The following EPHB1 variants were observed in gnomAD, a reference collection of about 807,000 sequenced individuals.
The protein encoded by EPHB1 is ephrin type-B receptor 1.
In EPHB1, 30 loss-of-function variants were observed where a neutral mutation model predicts 94.4. The observed-to-expected ratio is 0.32, with a 90% confidence interval of 0.24 to 0.43. The LOEUF is 0.43. EPHB1 is among the 20% of genes least tolerant of loss of function. The pLI is 1.00. For synonymous variants in EPHB1, 522 were observed against 489.1 expected (o/e 1.07, Z -0.89); for missense variants, 1,055 against 1,308.3 (o/e 0.81, Z 2.99).
chr3:134,804,661 C>T (rs2036002817), intron 1 of EPHB1, among the ~76,000 whole-genome samples: 1 of 152,216 alleles, frequency 6.6e-6, no homozygotes, highest in African/African-American at 2.4e-5. Flanking sequence ...TTGGGCACTT[C>T]TACAACTTCT....
rs936492734 is a variant in EPHB1, at chr3:135,110,882, G to T, written c.961+4279G>T. Among the ~76,000 whole-genome samples the T allele has an allele frequency of 7.9e-5, 12 of 152,244 alleles. 1 individual carries two copies. The East Asian group carries it at 2.3e-3, about 29-fold the overall frequency. ...CAGGGCAGTGGTGGGGTGGGGGGGT[G>T]GTGTCCCTGTGGCATAAGGATCATG... On this transcript the variant is annotated intron_variant, in intron 4 of 15. Transcript: ENST00000398015.
intron 5 of EPHB1, among the ~76,000 whole-genome samples, chr3:135,140,345 AG>A (rs1163578961): frequency 2.0e-5 from 3 of 152,214 alleles, no homozygotes; most frequent in African/African-American, 7.2e-5. Flanking sequence ...CATCTCCAGG[AG>A]AGAACGCCCT....
chr3:135,124,398 A>G (rs7627183), intron 4 of EPHB1, among the ~76,000 whole-genome samples: 37,231 of 151,594 alleles, frequency 0.25, 5,471 homozygotes, highest in Non-Finnish European at 0.32. Context: ...TGACTCCTTC[A>G]CTAGAGAATA....
At chr3:134,982,293 G>T (rs1934430770) in intron 3 of EPHB1, among the ~76,000 whole-genome samples, 2 of 152,086 alleles carry the variant, frequency 1.3e-5, no homozygotes, top group Non-Finnish European at 2.9e-5. Flanking sequence ...ATTCCTTTTT[G>T]ATGAATGAAT....
intron 1 of EPHB1, among the ~76,000 whole-genome samples, chr3:134,819,451 C>A (rs954637781): frequency 9.2e-5 from 14 of 152,260 alleles, no homozygotes; most frequent in Admixed American, 5.9e-4. Context: ...TAGGTGTAAG[C>A]CTTGGAAGTA....
chr3:135,084,075 G>C (rs912020146), intron 3 of EPHB1, among the ~76,000 whole-genome samples: 1 of 151,986 alleles, frequency 6.6e-6, no homozygotes. Flanking sequence ...CTTTTCTTTA[G>C]CTCAGGGATA....
At chr3:135,098,789 A>G (rs1358343226) in intron 3 of EPHB1, among the ~76,000 whole-genome samples, 1 of 152,082 alleles carries the variant, frequency 6.6e-6, no homozygotes, top group Non-Finnish European at 1.5e-5. Flanking sequence ...AGGCGGATGG[A>G]TCATTTGTGG....
chr3:135,094,585 A>C (rs1041627710), intron 3 of EPHB1, among the ~76,000 whole-genome samples: 4 of 152,148 alleles, frequency 2.6e-5, no homozygotes, highest in Non-Finnish European at 5.9e-5. Flanking sequence ...TTCCTGGGTG[A>C]CCTAAGAAAG....
chr3:135,032,561 A>G (rs571443338), intron 3 of EPHB1, among the ~76,000 whole-genome samples: 11 of 152,146 alleles, frequency 7.2e-5, no homozygotes, highest in Non-Finnish European at 1.3e-4. Flanking sequence ...CTGAGCACCC[A>G]GGCCATCTCT....
At chr3:135,190,950 G>T (rs1309536555) in intron 10 of EPHB1, among the ~76,000 whole-genome samples, 4 of 152,120 alleles carry the variant, frequency 2.6e-5, no homozygotes, top group Non-Finnish European at 5.9e-5. Context: ...AATGTGAAAA[G>T]CAGTGTTGCA....
intron 1 of EPHB1, among the ~76,000 whole-genome samples, chr3:134,877,697 A>C (rs950166266): frequency 5.3e-5 from 8 of 152,194 alleles, no homozygotes; most frequent in Non-Finnish European, 1.0e-4. Context: ...CTCTCACTGC[A>C]TGTGCTTTCC....
Position 135,045,983 on chromosome 3 carries a change from G to A in EPHB1, c.806-60465G>A, listed in dbSNP as rs180986063. On this transcript the variant is annotated intron_variant, in intron 3 of 15. Coordinates refer to ENST00000398015, the MANE Select transcript of EPHB1 (RefSeq NM_004441.5). ...GTTTTTCAACTACATATGTATTTAA[G>A]ATGAATTTTCTTCATGTAATTTAAC... 2.1e-3 allele frequency among the ~76,000 whole-genome samples: 321 copies of A among 152,238 alleles called. 1 individual carries two copies. The highest frequency in any genetic ancestry group is 7.4e-3 in the African/African-American group (308 of 41,566).
At position 134,882,157 on chromosome 3, in the gene EPHB1, C is replaced by T. The variant is rs146167355; in HGVS notation, c.59-43659C>T. Reference sequence around the variant, plus strand: ...CATAAATTAGGTCCCAAAATACTGGCGCAATTAATCATAGCCAGGGGTGAA... The same window carrying T: ...CATAAATTAGGTCCCAAAATACTGGTGCAATTAATCATAGCCAGGGGTGAA... On this transcript the variant is annotated intron_variant, in intron 1 of 15. Coordinates refer to ENST00000398015, the MANE Select transcript of EPHB1 (RefSeq NM_004441.5). 1.6e-3 allele frequency among the ~76,000 whole-genome samples: 246 copies of T among 152,182 alleles called. 1 individual carries two copies. The highest frequency in any genetic ancestry group is 2.8e-3 in the Non-Finnish European group (191 of 68,014).
chr3:134,817,791 T>C (rs976242808), intron 1 of EPHB1, among the ~76,000 whole-genome samples: 5 of 152,208 alleles, frequency 3.3e-5, no homozygotes, highest in Non-Finnish European at 7.3e-5. Context: ...GTGGTTACGA[T>C]TGATTCTGGT....
At chr3:135,100,186 G>A (rs1198927484) in intron 3 of EPHB1, among the ~76,000 whole-genome samples, 4 of 152,122 alleles carry the variant, frequency 2.6e-5, no homozygotes, top group Admixed American at 6.5e-5. Flanking sequence ...TCCTCCCTGC[G>A]GTGTAGCTCT....
At chr3:134,844,772 C>T (rs2036839312) in intron 1 of EPHB1, among the ~76,000 whole-genome samples, 1 of 152,184 alleles carries the variant, frequency 6.6e-6, no homozygotes, top group African/African-American at 2.4e-5. Flanking sequence ...TGGTTAATTT[C>T]CAGGATGCTG....
intron 3 of EPHB1, among the ~76,000 whole-genome samples, chr3:134,954,475 A>G (rs896306508): frequency 1.1e-4 from 17 of 152,132 alleles, no homozygotes; most frequent in African/African-American, 3.9e-4. Context: ...ACTTAGCACA[A>G]TCATCATGAG....
chr3:135,258,276 TTCTC>T (rs1181957858), intron 15 of EPHB1, among the ~76,000 whole-genome samples: 1 of 152,218 alleles, frequency 6.6e-6, no homozygotes, highest in Non-Finnish European at 1.5e-5. Flanking sequence ...TTGCAGTGGT[TTCTC>T]TATTTTTATG....
At chr3:134,970,354 CTGTA>C (rs1933920147) in intron 3 of EPHB1, among the ~76,000 whole-genome samples, 1 of 152,210 alleles carries the variant, frequency 6.6e-6, no homozygotes, top group South Asian at 2.1e-4. Flanking sequence ...ATGGAGAGAG[CTGTA>C]TGAGTGGCTC....
Sources: gnomAD v4.1 joint callset for allele counts (sites outside exome capture counted in the v4.1 genomes callset) on GRCh38, gnomAD v4.1.1 for gene constraint, MANE v1.5 for transcripts, NCBI Gene and HGNC (gene_info 2026-07-23, HGNC 2026-07-21) for gene names.